Variants in VWA8 observed in about 807,000 individuals in gnomAD.
The protein encoded by VWA8 is von Willebrand factor A domain-containing protein 8.
Under a neutral mutation model 241.5 loss-of-function variants are expected in VWA8, and 221 were observed. That is an observed-to-expected ratio of 0.91 (90% CI 0.82 to 1.02). The LOEUF (loss-of-function observed/expected upper bound fraction) is 1.02. Among genes scored for constraint, VWA8 ranks in the 50% least tolerant of loss-of-function variants. The pLI is 0.00. For missense variants in VWA8, 2,322 were observed against 2,328.7 expected (o/e 1.00, Z 0.06); for synonymous variants, 852 against 827.1 (o/e 1.03, Z -0.52).
intron 42 of VWA8, among the ~76,000 whole-genome samples, 156 bp from the exon 43 acceptor site, chr13:41,575,994 A>C (rs2044348553): frequency 6.6e-6 from 1 of 152,228 alleles, no homozygotes; most frequent in Non-Finnish European, 1.5e-5. Flanking sequence ...TTAATTCTCT[A>C]ATCTCACTAT....
In VWA8 at chr13:41,732,098, T is replaced by A. The variant is rs1210452145; in HGVS notation, c.2484A>T (p.Val828=). Residue 828 remains valine (V), a synonymous_variant, in exon 22 of 45, where the codon GTA becomes GTT. Coordinates refer to ENST00000379310, the MANE Select transcript of VWA8 (RefSeq NM_015058.2). ...TACTAACCAAAGGTGAGTCTTCATA[T>A]ACAATAAGTCCGTCTTTAACCGAAG... ...LQPSVKDGLI[V]YEDSPLVKAV... 1.2e-6 allele frequency: 2 copies of A among 1,613,306 alleles called. No homozygotes were observed. The highest frequency in any genetic ancestry group is 2.7e-5 in the African/African-American group (2 of 75,036).
chr13:41,873,103 A>G (rs1432183502), intron 9 of VWA8, among the ~76,000 whole-genome samples: 4 of 152,200 alleles, frequency 2.6e-5, no homozygotes, highest in East Asian at 1.9e-4. Context: ...AACGAAATGA[A>G]GGCAGAAATA....
At chr13:41,952,995 G>C (rs1878203921) in intron 1 of VWA8, among the ~76,000 whole-genome samples, 1 of 152,034 alleles carries the variant, frequency 6.6e-6, no homozygotes, top group Admixed American at 6.5e-5. Flanking sequence ...CTCCTTCTGG[G>C]TAACACAGCA....
chr13:41,745,589 CAACA>C (rs1181317236), intron 21 of VWA8, among the ~76,000 whole-genome samples: 1 of 152,026 alleles, frequency 6.6e-6, no homozygotes, highest in Non-Finnish European at 1.5e-5. Context: ...TTTATGCGGC[CAACA>C]GACACATGAA....
At chr13:41,859,041 C>A (rs1353192264) in intron 12 of VWA8, among the ~76,000 whole-genome samples, 1 of 150,660 alleles carries the variant, frequency 6.6e-6, no homozygotes, top group Non-Finnish European at 1.5e-5. Flanking sequence ...TGCGCCACTG[C>A]ACTCCAGTCT....
chr13:41,599,733 C>T (rs2044509661), intron 40 of VWA8, among the ~76,000 whole-genome samples: 1 of 152,170 alleles, frequency 6.6e-6, no homozygotes, highest in South Asian at 2.1e-4. Flanking sequence ...AGAACTTCAT[C>T]ACCACATCAT....
Position 41,685,055 on chromosome 13 carries a change from T to C in VWA8, c.4319A>G (p.Tyr1440Cys). Residue 1440 changes from tyrosine to cysteine, a missense_variant, in exon 35 of 45, where the codon TAC becomes TGC. Physicochemically the swap from Tyr to Cys is radical, Grantham distance 194 (BLOSUM62 -2). Coordinates refer to ENST00000379310, the MANE Select transcript of VWA8 (RefSeq NM_015058.2). ...PPGEVPLKDI[Y>C]PKDVTPPQTS... ...GGTGAGTTCCTTCTTACCTTTTGGG[T>C]AGATATCTTTTAGAGGGACTTCTCC... is the stretch of plus-strand genomic sequence containing the variant. 2 of 1,612,870 alleles carry C rather than the reference T, an allele frequency of 1.2e-6. No individual in the cohort carries two copies. Among genetic ancestry groups the C allele is most frequent in the Middle Eastern group, 1.7e-4 (1 of 6,036 alleles).
intron 38 of VWA8, among the ~76,000 whole-genome samples, chr13:41,614,038 C>T (rs1009213900): frequency 1.3e-5 from 2 of 152,202 alleles, no homozygotes; most frequent in South Asian, 2.1e-4. Flanking sequence ...CTGGCCAGCT[C>T]GTCCCACAAT....
chr13:41,775,330 T>C (rs1266037919), intron 20 of VWA8, among the ~76,000 whole-genome samples: 1 of 152,210 alleles, frequency 6.6e-6, no homozygotes, highest in Non-Finnish European at 1.5e-5. Context: ...AAGGGTCAGC[T>C]AAACATAGCA....
chr13:41,950,535 G>A (rs1878081752), intron 1 of VWA8, among the ~76,000 whole-genome samples: 1 of 150,220 alleles, frequency 6.7e-6, no homozygotes, highest in African/African-American at 2.5e-5. Context: ...TGCCCAGCTA[G>A]CTTTTTGTAT....
intron 37 of VWA8, among the ~76,000 whole-genome samples, chr13:41,641,272 G>C (rs2044793611): frequency 6.6e-6 from 1 of 152,094 alleles, no homozygotes; most frequent in South Asian, 2.1e-4. Context: ...GGATGTCCTG[G>C]GGTAAACAAC....
At chr13:41,952,062 C>T (rs899283200) in intron 1 of VWA8, among the ~76,000 whole-genome samples, 3 of 152,200 alleles carry the variant, frequency 2.0e-5, no homozygotes, top group Admixed American at 6.5e-5. Flanking sequence ...TTTTCCTCCC[C>T]TGTCCAATTA....
chr13:41,731,272 G>C (rs1036994467), intron 22 of VWA8, among the ~76,000 whole-genome samples: 1 of 152,010 alleles, frequency 6.6e-6, no homozygotes, highest in African/African-American at 2.4e-5. Context: ...TGCGCAGAGG[G>C]ACATGCCTGG....
intron 12 of VWA8, among the ~76,000 whole-genome samples, chr13:41,864,409 A>G (rs1873191636): frequency 6.6e-6 from 1 of 152,192 alleles, no homozygotes; most frequent in South Asian, 2.1e-4. Context: ...AGGTTACAAT[A>G]GTCTAAAGGA....
intron 20 of VWA8, among the ~76,000 whole-genome samples, chr13:41,769,049 C>T (rs999310973): frequency 6.6e-6 from 1 of 152,122 alleles, no homozygotes; most frequent in Non-Finnish European, 1.5e-5. Context: ...ACTACAGGTG[C>T]ATGCCACCAT....
At chr13:41,863,475 T>C (rs1274829873) in intron 12 of VWA8, among the ~76,000 whole-genome samples, 3 of 137,612 alleles carry the variant, frequency 2.2e-5, no homozygotes, top group East Asian at 2.2e-4. Flanking sequence ...ACACACACTA[T>C]ATATATTAGT....
chr13:41,939,459 G>A (rs917405282), intron 2 of VWA8, among the ~76,000 whole-genome samples: 3 of 152,058 alleles, frequency 2.0e-5, no homozygotes, highest in Admixed American at 2.0e-4. Context: ...ATCAAGGCAG[G>A]AGGTAACAAG....
At chr13:41,568,489 C>T (rs376987825) in intron 44 of VWA8, 184 bp from the exon 45 acceptor site, 7 of 480,746 alleles carry the variant, frequency 1.5e-5, no homozygotes, top group Non-Finnish European at 2.6e-5. Flanking sequence ...GGAAGAGCAA[C>T]AAGGAAAGAC....
chr13:41,757,632 G>C (rs1043740029), intron 21 of VWA8, among the ~76,000 whole-genome samples: 1 of 151,490 alleles, frequency 6.6e-6, no homozygotes, highest in Admixed American at 6.6e-5. Flanking sequence ...ATCTATTGTT[G>C]CCATCTTTAT....
Sources: gnomAD v4.1 joint callset for allele counts (sites outside exome capture counted in the v4.1 genomes callset) on GRCh38, gnomAD v4.1.1 for gene constraint, MANE v1.5 for transcripts, NCBI Gene and HGNC (gene_info 2026-07-23, HGNC 2026-07-21) for gene names.